SACS: variants seen among roughly 807,000 people sequenced by gnomAD.
SACS encodes the protein sacsin.
In SACS, 197 loss-of-function variants were observed where a neutral mutation model predicts 348.0. That is an observed-to-expected ratio of 0.57 (90% CI 0.50 to 0.64). The LOEUF is 0.64. Ranked by LOEUF, SACS falls within the 30% of genes least tolerant of loss-of-function variation. SACS has a pLI of 0.00. For missense variants in SACS, 4,999 were observed against 5,360.8 expected, an observed-to-expected ratio of 0.93 and a Z score of 2.11; for synonymous variants, 1,985 against 1,910.6, an observed-to-expected ratio of 1.04 and a Z score of -1.02.
intron 2 of SACS, among the ~76,000 whole-genome samples, chr13:23,409,039 A>C (rs1222683592): frequency 4.5e-5 from 3 of 66,834 alleles, no homozygotes; most frequent in Admixed American, 2.2e-4. Context: ...AACAAGTTTT[A>C]CTTTTTTTTT....
At position 23,336,337 on chromosome 13, in the gene SACS, G is replaced by A; in HGVS notation, c.7539C>T (p.Val2513=). The change falls in exon 10 of 10, where the codon GTC becomes GTT. Residue 2513 remains valine, a synonymous_variant. Transcript: ENST00000382292. ...HKALERYASN[V]CFTTLGTEFG... ...ATTCTGTGCCAAGTGTTGTAAAACA[G>A]ACATTGGATGCATATCTTTCTAAGG... 6.2e-7 allele frequency: 1 copy of A among 1,614,076 alleles called. No homozygotes were observed. The highest frequency in any genetic ancestry group is 8.5e-7 in the Non-Finnish European group (1 of 1,179,958).
intron 2 of SACS, among the ~76,000 whole-genome samples, chr13:23,404,131 C>A (rs1219909164): frequency 6.6e-6 from 1 of 152,146 alleles, no homozygotes; most frequent in Non-Finnish European, 1.5e-5. Context: ...GATTTGCGTT[C>A]TTTTGCATTT....
chr13:23,424,998 C>G (rs1481047379), intron 1 of SACS, among the ~76,000 whole-genome samples: 1 of 152,232 alleles, frequency 6.6e-6, no homozygotes, highest in Non-Finnish European at 1.5e-5. Context: ...TGAATGGAAC[C>G]TGTTGTTTCA....
rs1883568102 is a variant in SACS at position 23,332,728 on chromosome 13, A to C, written c.11148T>G (p.Ile3716Met). 6.8e-6 allele frequency: 11 copies of C among 1,613,968 alleles called. No homozygotes were observed. Among genetic ancestry groups the C allele is most frequent in the Non-Finnish European group, 9.3e-6 (11 of 1,179,926 alleles). ...CAAGGTCACTACCTTCTTGTTCTTT[A>C]ATGCTTAAGGGTGTAGCTTTCTCTG... is the stretch of plus-strand genomic sequence containing the variant. ...ILPEKATPLSIKEQEGSDLGP... is the reference protein window; with the variant it reads ...ILPEKATPLSMKEQEGSDLGP... The change falls in exon 10 of 10, where the codon ATT becomes ATG. Residue 3716 changes from isoleucine (I) to methionine (M), a missense_variant. By Grantham distance (10) the Ile-to-Met change is conservative. This residue lies in a region of SACS where 831 missense variants were observed against 941.8 expected (regional missense o/e 0.88). Coordinates refer to ENST00000382292, the MANE Select transcript of SACS (RefSeq NM_014363.6).
intron 1 of SACS, among the ~76,000 whole-genome samples, chr13:23,429,469 T>TCTC (rs1254634936): frequency 6.8e-6 from 1 of 147,002 alleles, no homozygotes; most frequent in Non-Finnish European, 1.5e-5. Flanking sequence ...TTCACGCCAT[T>TCTC]CTCCTGCCTC....
rs140996503 is a variant in SACS at position 23,387,307 on chromosome 13, A to G, written c.21-12038T>C. 2.9e-3 allele frequency among the ~76,000 whole-genome samples: 438 copies of G among 152,050 alleles called. 4 individuals carry two copies. The Middle Eastern group carries it at 0.034, about 12-fold the overall frequency. On this transcript the variant is annotated intron_variant, in intron 2 of 9. Transcript: ENST00000382292. ...ACCCAGTCTCTACTAAAAAACACAA[A>G]AAAAATTAGCCGGGCATGGCGGCGG...
intron 3 of SACS, chr13:23,373,993 G>A (rs1871578164): frequency 6.6e-6 from 1 of 152,222 alleles, no homozygotes; most frequent in Non-Finnish European, 1.5e-5. Context: ...TGCTCCAGCT[G>A]AGCACAAGGA....
intron 6 of SACS, among the ~76,000 whole-genome samples, chr13:23,362,288 T>C (rs1237749466): frequency 6.6e-6 from 1 of 152,188 alleles, no homozygotes; most frequent in Non-Finnish European, 1.5e-5. Context: ...AAATCCTTAG[T>C]AAAGTGTGTT....
intron 6 of SACS, among the ~76,000 whole-genome samples, chr13:23,359,289 A>C (rs1870589277): frequency 1.3e-5 from 2 of 152,230 alleles, no homozygotes; most frequent in Admixed American, 1.3e-4. Flanking sequence ...CTATACACAC[A>C]CACATATATC....
rs146031135 is a variant in SACS at position 23,337,416 on chromosome 13, C to A, written c.6460G>T (p.Ala2154Ser). Residue 2154 changes from alanine to serine, a missense_variant, in exon 10 of 10, where the codon GCA (alanine) becomes TCA (serine). Physicochemically the swap from Ala to Ser is moderately conservative, Grantham distance 99. Transcript: ENST00000382292. ...ILIKLVQLGM[A>S]KDDILWDDML... ...TCATCCCATAAAATATCATCTTTTG[C>A]CATACCTAACTGAACTAGTTTAATC... The A allele has an allele frequency of 8.1e-6, 13 of 1,612,556 alleles. No homozygotes were observed. Among genetic ancestry groups the A allele is most frequent in the Non-Finnish European group, 1.1e-5 (13 of 1,179,322 alleles).
intron 7 of SACS, among the ~76,000 whole-genome samples, chr13:23,356,791 T>C (rs183496295): frequency 1.9e-4 from 29 of 152,312 alleles, no homozygotes; most frequent in Admixed American, 1.9e-3. Context: ...GCACCTGGGT[T>C]TCCTGCAAGA....
intron 9 of SACS, among the ~76,000 whole-genome samples, chr13:23,345,581 T>G (rs1230429668): frequency 6.6e-6 from 1 of 152,232 alleles, no homozygotes; most frequent in African/African-American, 2.4e-5. Context: ...TCTACTTATA[T>G]CAAGATTTTG....
intron 2 of SACS, among the ~76,000 whole-genome samples, chr13:23,381,033 A>G (rs527483067): frequency 6.6e-6 from 1 of 152,318 alleles, no homozygotes; most frequent in East Asian, 1.9e-4. Flanking sequence ...CAATTCCCAG[A>G]TAAACCTGAA....
At chr13:23,389,162 A>T (rs1481457459) in intron 2 of SACS, among the ~76,000 whole-genome samples, 2 of 151,264 alleles carry the variant, frequency 1.3e-5, no homozygotes, top group Non-Finnish European at 3.0e-5. Context: ...TAAAACATAT[A>T]TGTGTGTGTA....
intron 6 of SACS, among the ~76,000 whole-genome samples, chr13:23,362,519 A>G (rs892464787): frequency 1.1e-4 from 16 of 152,072 alleles, no homozygotes; most frequent in Non-Finnish European, 1.8e-4. Flanking sequence ...AGGGCTCTCA[A>G]TAAATGTTTG....
Position 23,332,554 on chromosome 13 carries a change from CCTT to C in SACS, c.11319_11321del (p.Arg3774del), listed in dbSNP as rs1883553503. 3.1e-6 allele frequency: 5 copies of C among 1,613,908 alleles called. No individual in the cohort carries two copies. Among genetic ancestry groups the C allele is most frequent in the Non-Finnish European group, 3.4e-6 (4 of 1,179,900 alleles). ...CTGCACTGAGGAATTCATATATGCT[CCTT>C]AAGACTTTTGCTCTAGTTTTTACCA... On this transcript the variant is annotated inframe_deletion, in exon 10 of 10. Coordinates refer to ENST00000382292, the MANE Select transcript of SACS (RefSeq NM_014363.6).
rs1312307824 is a variant in SACS at position 23,355,017 on chromosome 13, T to C, written c.1595A>G (p.Tyr532Cys). 1 of 1,614,254 alleles carries C rather than the reference T, an allele frequency of 6.2e-7. No individual in the cohort carries two copies. Among genetic ancestry groups the C allele is most frequent in the South Asian group, 1.1e-5 (1 of 91,090 alleles). The change falls in exon 8 of 10, where the codon TAT becomes TGT. Residue 532 changes from tyrosine (Y) to cysteine (C), a missense_variant. Around this residue, in one of 6 missense-constraint regions of SACS, gnomAD observed 3,156 missense variants for 3,380.1 expected, o/e 0.93. Transcript: ENST00000382292. ...SDFPLSVDVI[Y>C]KLWPEASKVK... is the part of the protein sequence containing the mutation. ...TTTGCTCGCCTCCGGCCAAAGCTTA[T>C]AGATAACATCAACTGACAAGGGGAA... is the stretch of plus-strand genomic sequence containing the variant.
At chr13:23,414,425 G>C (rs557432478) in intron 1 of SACS, among the ~76,000 whole-genome samples, 1 of 151,334 alleles carries the variant, frequency 6.6e-6, no homozygotes, top group South Asian at 2.1e-4. Flanking sequence ...AGGACCTCCA[G>C]GGCTATCTGC....
intron 6 of SACS, among the ~76,000 whole-genome samples, chr13:23,364,304 T>C (rs1475497598): frequency 6.6e-6 from 1 of 152,218 alleles, no homozygotes; most frequent in Non-Finnish European, 1.5e-5. Flanking sequence ...CATACAGTCA[T>C]TGACAATGAC....
Sources: gnomAD v4.1 joint callset for allele counts (sites outside exome capture counted in the v4.1 genomes callset) on GRCh38, gnomAD v4.1.1 for gene constraint, gnomAD v4.1.1 regional missense constraint, MANE v1.5 for transcripts, NCBI Gene and HGNC (gene_info 2026-07-23, HGNC 2026-07-21) for gene names.